Variants in WDSUB1 observed in about 807,000 individuals in gnomAD.
WDSUB1 encodes WD repeat, SAM and U-box domain-containing protein 1.
A neutral mutation model predicts 53.9 loss-of-function variants in WDSUB1; 49 were observed. The ratio of observed to expected loss-of-function variants is 0.91; its 90% CI spans 0.72 to 1.15. The LOEUF is 1.15. WDSUB1 is among the 50% of genes most tolerant of loss of function. The pLI, the probability that WDSUB1 is intolerant of heterozygous loss-of-function variation, is 0.00. For synonymous variants in WDSUB1, 194 were observed against 200.6 expected, an observed-to-expected ratio of 0.97 and a Z score of 0.28; for missense variants, 514 against 562.0, an observed-to-expected ratio of 0.91 and a Z score of 0.86.
At chr2:159,246,229 G>A (rs7573981) in intron 10 of WDSUB1, among the ~76,000 whole-genome samples, 59,556 of 151,898 alleles carry the variant, frequency 0.39, 13,418 homozygotes, top group Non-Finnish European at 0.54. Context: ...TCAGGAGATC[G>A]AGACCATCCT....
At chr2:159,239,611 G>T (rs1010526793) in intron 10 of WDSUB1, among the ~76,000 whole-genome samples, 1 of 152,084 alleles carries the variant, frequency 6.6e-6, no homozygotes, top group African/African-American at 2.4e-5. Flanking sequence ...CTGTGCCAAG[G>T]TATATGTATT....
chr2:159,261,869 T>C (rs2061203771), intron 5 of WDSUB1, among the ~76,000 whole-genome samples: 1 of 21,480 alleles, frequency 4.7e-5, no homozygotes, highest in Admixed American at 5.4e-4. Context: ...TATATATATA[T>C]ATATATATAT....
At chr2:159,275,400 C>T (rs1314563344) in intron 4 of WDSUB1, 146 bp downstream of exon 4, 6 of 608,592 alleles carry the variant, frequency 9.9e-6, no homozygotes, top group Non-Finnish European at 2.8e-6. Flanking sequence ...ATTTTTAAAT[C>T]ATGTGTATTA....
intron 5 of WDSUB1, among the ~76,000 whole-genome samples, chr2:159,263,068 G>A (rs986057357): frequency 2.0e-5 from 3 of 152,114 alleles, no homozygotes; most frequent in African/African-American, 4.8e-5. Flanking sequence ...AGAGAAACCC[G>A]TCAATTATAT....
chr2:159,258,752 C>T (rs76678678), intron 6 of WDSUB1, among the ~76,000 whole-genome samples: 6,126 of 152,230 alleles, frequency 0.04, 400 homozygotes, highest in African/African-American at 0.14. Context: ...ACATATTTTA[C>T]AGAGACAATT....
chr2:159,259,758 A>G, intron 6 of WDSUB1, 52 bp downstream of exon 6: 3 of 1,471,376 alleles, frequency 2.0e-6, no homozygotes, highest in African/African-American at 1.4e-5. Context: ...GAAGTTCAGT[A>G]GTCTAATAAA....
intron 1 of WDSUB1, among the ~76,000 whole-genome samples, chr2:159,284,422 T>C (rs2061743912): frequency 6.6e-6 from 1 of 152,228 alleles, no homozygotes; most frequent in Non-Finnish European, 1.5e-5. Context: ...CTATCTTAGC[T>C]GTTCCCTTCA....
At chr2:159,257,700 T>C (rs2061095773) in intron 8 of WDSUB1, 58 bp downstream of exon 8, 2 of 1,500,218 alleles carry the variant, frequency 1.3e-6, no homozygotes, top group Non-Finnish European at 1.9e-6. Flanking sequence ...ATTTACTAAC[T>C]TTCTGACCCT....
At chr2:159,274,260 T>C (rs1482749410) in intron 4 of WDSUB1, among the ~76,000 whole-genome samples, 1 of 152,122 alleles carries the variant, frequency 6.6e-6, no homozygotes, top group Non-Finnish European at 1.5e-5. Context: ...TCCCAGCATT[T>C]TGAGAGGCCA....
intron 3 of WDSUB1, among the ~76,000 whole-genome samples, chr2:159,276,617 T>C (rs1314788834): frequency 6.6e-6 from 1 of 152,222 alleles, no homozygotes; most frequent in Non-Finnish European, 1.5e-5. Flanking sequence ...CTAAACAATT[T>C]TGGATAATGT....
rs999126248 is a variant in WDSUB1, at chr2:159,258,074, T to G, written c.805-89A>C. On this transcript the variant is annotated intron_variant, in intron 6 of 10. Coordinates refer to ENST00000359774, the MANE Select transcript of WDSUB1 (RefSeq NM_001128212.3). ...CATTTGACATAAATGGGTTGTATAC[T>G]AAGTGGATATATTAATATTTATTAG... is the stretch of plus-strand genomic sequence containing the variant. The G allele has an allele frequency of 2.8e-6, 3 of 1,086,588 alleles. No homozygotes were observed. The African/African-American group carries it at 4.7e-5, about 17-fold the overall frequency. The allele number at this position is 1,086,588 out of a possible 1,614,324, so 67.3% of individuals were successfully genotyped here. A position where few individuals can be genotyped will look rare whatever the true frequency, so the allele number is the denominator to read the frequency against.
intron 10 of WDSUB1, among the ~76,000 whole-genome samples, chr2:159,244,386 TAA>T (rs11437326): frequency 1.9e-4 from 23 of 117,998 alleles, no homozygotes; most frequent in Non-Finnish European, 2.0e-4. Flanking sequence ...TAACTGCTGA[TAA>T]AAAAAAAAAA....
intron 5 of WDSUB1, among the ~76,000 whole-genome samples, chr2:159,262,299 T>A (rs1267887382): frequency 6.6e-6 from 1 of 151,478 alleles, no homozygotes; most frequent in Non-Finnish European, 1.5e-5. Context: ...CAGGCAAGAG[T>A]CCACATATGG....
chr2:159,285,971 C>T (rs1404609003), intron 1 of WDSUB1, among the ~76,000 whole-genome samples: 6 of 152,136 alleles, frequency 3.9e-5, no homozygotes, highest in African/African-American at 1.4e-4. Context: ...CAGCCCTCTG[C>T]CGCACTCAGC....
rs1456206441 is a variant in WDSUB1 at position 159,253,175 on chromosome 2, A to T, written c.1132+3021T>A. On this transcript the variant is annotated intron_variant, in intron 9 of 10. Transcript: ENST00000359774. ...TCCTACTCTTAACCTTTCACACTTT[A>T]TGCCTTTTGAATGAGATATTAAATG... is the stretch of plus-strand genomic sequence containing the variant. Among the ~76,000 whole-genome samples, 2 of 152,226 alleles carry T rather than the reference A, an allele frequency of 1.3e-5. 1 individual carries two copies. Among genetic ancestry groups the T allele is most frequent in the Non-Finnish European group, 2.9e-5 (2 of 68,050 alleles).
At chr2:159,265,201 A>T (rs1024210153) in intron 5 of WDSUB1, among the ~76,000 whole-genome samples, 1 of 151,782 alleles carries the variant, frequency 6.6e-6, no homozygotes, top group Non-Finnish European at 1.5e-5. Flanking sequence ...CTGAAGTGGG[A>T]TGACTGTTTG....
chr2:159,274,647 A>G (rs2061504218), intron 4 of WDSUB1, among the ~76,000 whole-genome samples: 1 of 149,174 alleles, frequency 6.7e-6, no homozygotes, highest in Admixed American at 6.6e-5. Context: ...CTACTCCCTA[A>G]GTCCCCAGTC....
chr2:159,276,073 T>G (rs79704025), intron 3 of WDSUB1, among the ~76,000 whole-genome samples: 4,330 of 152,156 alleles, frequency 0.028, 199 homozygotes, highest in African/African-American at 0.094. Flanking sequence ...CTTTTTTTTT[T>G]TTTGAGATGG....
At chr2:159,263,351 A>G (rs2061265396) in intron 5 of WDSUB1, among the ~76,000 whole-genome samples, 1 of 152,326 alleles carries the variant, frequency 6.6e-6, no homozygotes, top group South Asian at 2.1e-4. Flanking sequence ...AGTCTCTTAC[A>G]AAGATAGAGC....
Sources: allele counts gnomAD v4.1 joint callset (sites outside exome capture counted in the v4.1 genomes callset), GRCh38; gene constraint gnomAD v4.1.1; transcripts MANE v1.5; gene names NCBI Gene and HGNC (gene_info 2026-07-23, HGNC 2026-07-21).